MRPS31: variants seen among roughly 807,000 people sequenced by gnomAD.
MRPS31 encodes the protein mitochondrial ribosomal protein S31.
A neutral mutation model predicts 43.1 loss-of-function variants in MRPS31; 32 were observed. The ratio of observed to expected loss-of-function variants is 0.74; its 90% CI spans 0.56 to 1.00. MRPS31 has a LOEUF of 1.00. Among genes scored for constraint, MRPS31 ranks in the 50% least tolerant of loss-of-function variants. The pLI, the probability that MRPS31 is intolerant of heterozygous loss-of-function variation, is 0.00. For missense variants in MRPS31, 437 were observed against 466.7 expected (o/e 0.94, Z 0.59); for synonymous variants, 165 against 161.6 (o/e 1.02, Z -0.16).
chr13:40,734,737 G>GA (rs1392321162), intron 6 of MRPS31, among the ~76,000 whole-genome samples: 2 of 151,194 alleles, frequency 1.3e-5, no homozygotes, highest in Non-Finnish European at 1.5e-5. Flanking sequence ...CTCGTCTTTA[G>GA]AAAAAAAAAT....
intron 6 of MRPS31, among the ~76,000 whole-genome samples, chr13:40,743,188 G>A (rs58908501): frequency 0.045 from 6,839 of 151,948 alleles, 316 homozygotes; most frequent in East Asian, 0.14. Flanking sequence ...GGTGGCAGGC[G>A]CCTGTCATTC....
chr13:40,729,227 CCAT>C lies in MRPS31; in HGVS notation c.*142_*144del, dbSNP rs771349182. The C allele has an allele frequency of 4.2e-4, 214 of 506,544 alleles. No individual in the cohort carries two copies. Among genetic ancestry groups the C allele is most frequent in the Non-Finnish European group, 6.2e-4 (181 of 290,500 alleles). 31.4% of individuals were successfully genotyped at this position (506,544 alleles called of 1,614,324 possible). A position where few individuals can be genotyped will look rare whatever the true frequency, so the allele number is the denominator to read the frequency against. The stretch of plus-strand genomic sequence containing the variant: ...TCCATGCAAGAATATTTTTCAGTTA[CCAT>C]CATATTTTTGAAAACAATGTAACAT... On this transcript the variant is annotated 3_prime_UTR_variant, in exon 7 of 7. Coordinates refer to ENST00000323563, the MANE Select transcript of MRPS31 (RefSeq NM_005830.4).
At chr13:40,760,517 A>G (rs1452419738) in intron 2 of MRPS31, among the ~76,000 whole-genome samples, 1 of 152,206 alleles carries the variant, frequency 6.6e-6, no homozygotes, top group Non-Finnish European at 1.5e-5. Context: ...TGTTCTTTGC[A>G]TATGTTTTAA....
At chr13:40,768,363 C>A (rs1880907790) in intron 1 of MRPS31, among the ~76,000 whole-genome samples, 1 of 139,370 alleles carries the variant, frequency 7.2e-6, no homozygotes, top group African/African-American at 2.9e-5. Flanking sequence ...AGCCCCCACC[C>A]CCCAACTAGG....
Position 40,749,256 on chromosome 13 carries a change from C to CA in MRPS31, c.839dup (p.Glu281GlyfsTer4). The CA allele has an allele frequency of 6.3e-7, 1 of 1,592,270 alleles. No individual in the cohort carries two copies. ...CTGTGGCTAACTGCTTAGCAAATTC[C>CA]ACATCCCAAAGTGAAGGTGATGTGT... On this transcript the variant is annotated frameshift_variant, in exon 6 of 7. Coordinates refer to ENST00000323563, the MANE Select transcript of MRPS31 (RefSeq NM_005830.4). LOFTEE classifies it high-confidence loss of function.
chr13:40,755,122 C>T (rs1479895187), intron 4 of MRPS31, among the ~76,000 whole-genome samples: 1 of 152,206 alleles, frequency 6.6e-6, no homozygotes, highest in Admixed American at 6.5e-5. Context: ...TTACTTCTCT[C>T]TACTAAATAG....
At chr13:40,739,307 G>A (rs1212694677) in intron 6 of MRPS31, among the ~76,000 whole-genome samples, 2 of 152,134 alleles carry the variant, frequency 1.3e-5, no homozygotes, top group African/African-American at 2.4e-5. Context: ...ACAAATGGAA[G>A]AACATTCCAT....
chr13:40,737,047 C>T (rs1484853741), intron 6 of MRPS31, among the ~76,000 whole-genome samples: 3 of 151,950 alleles, frequency 2.0e-5, no homozygotes, highest in African/African-American at 7.3e-5. Flanking sequence ...ATCTCACGTG[C>T]AGACACACAC....
intron 2 of MRPS31, among the ~76,000 whole-genome samples, chr13:40,764,804 C>A (rs1475162048): frequency 6.6e-6 from 1 of 152,184 alleles, no homozygotes; most frequent in African/African-American, 2.4e-5. Flanking sequence ...CCAACTGAGG[C>A]CCCAGACATC....
At chr13:40,753,354 C>T (rs1198466989) in intron 5 of MRPS31, among the ~76,000 whole-genome samples, 3 of 152,194 alleles carry the variant, frequency 2.0e-5, no homozygotes, top group African/African-American at 7.2e-5. Context: ...TAGAGATACA[C>T]TGTAAATGGT....
chr13:40,750,691 A>C (rs1255055564), intron 5 of MRPS31, among the ~76,000 whole-genome samples: 2 of 147,608 alleles, frequency 1.4e-5, no homozygotes, highest in Non-Finnish European at 3.0e-5. Context: ...TGAGGATCGT[A>C]TAGTTTGGTA....
At chr13:40,750,070 T>C (rs1011745702) in intron 5 of MRPS31, among the ~76,000 whole-genome samples, 1 of 152,188 alleles carries the variant, frequency 6.6e-6, no homozygotes, top group African/African-American at 2.4e-5. Context: ...CAAAAGTTAA[T>C]GGCAGCTTTC....
intron 2 of MRPS31, among the ~76,000 whole-genome samples, chr13:40,763,580 A>G (rs999459384): frequency 6.6e-6 from 1 of 152,168 alleles, no homozygotes; most frequent in Non-Finnish European, 1.5e-5. Flanking sequence ...GAAATTCTAC[A>G]GTTATCAGGT....
At chr13:40,754,766 C>T (rs1032704395) in intron 4 of MRPS31, among the ~76,000 whole-genome samples, 3 of 152,160 alleles carry the variant, frequency 2.0e-5, no homozygotes, top group African/African-American at 4.8e-5. Flanking sequence ...AGGTGGCTCA[C>T]GCCTGTAATC....
chr13:40,737,428 C>T (rs1403427736), intron 6 of MRPS31, among the ~76,000 whole-genome samples: 1 of 152,018 alleles, frequency 6.6e-6, no homozygotes, highest in Non-Finnish European at 1.5e-5. Flanking sequence ...CTGCACCAAG[C>T]AGACCTAATA....
intron 6 of MRPS31, among the ~76,000 whole-genome samples, chr13:40,746,482 G>C (rs533306272): frequency 6.6e-6 from 1 of 152,138 alleles, no homozygotes; most frequent in South Asian, 2.1e-4. Context: ...ATAATATGCA[G>C]TGTCATGTGG....
At chr13:40,770,128 GCTAT>G (rs1217645611) in intron 1 of MRPS31, among the ~76,000 whole-genome samples, 12 of 152,250 alleles carry the variant, frequency 7.9e-5, no homozygotes, top group African/African-American at 2.6e-4. Flanking sequence ...TGAAATTTTT[GCTAT>G]CTCTGACTAC....
intron 2 of MRPS31, among the ~76,000 whole-genome samples, chr13:40,761,142 C>T (rs1208921835): frequency 6.6e-6 from 1 of 151,342 alleles, no homozygotes; most frequent in Non-Finnish European, 1.5e-5. Flanking sequence ...GTGGCATGTG[C>T]CTATAGTCCC....
At chr13:40,748,816 T>C (rs1026058347) in intron 6 of MRPS31, among the ~76,000 whole-genome samples, 29 of 152,068 alleles carry the variant, frequency 1.9e-4, no homozygotes, top group African/African-American at 6.8e-4. Context: ...ATTTAATTTA[T>C]TGAAGATTCA....
Sources: allele counts gnomAD v4.1 joint callset (sites outside exome capture counted in the v4.1 genomes callset), GRCh38; gene constraint gnomAD v4.1.1; transcripts MANE v1.5; gene names NCBI Gene and HGNC (gene_info 2026-07-23, HGNC 2026-07-21).